The following GOLIM4 variants were observed in gnomAD, a reference collection of about 807,000 sequenced individuals.
GOLIM4 encodes 130 kDa golgi-localized phosphoprotein.
GOLIM4 carries 71 observed loss-of-function variants against 107.4 expected under a neutral mutation model. That is an observed-to-expected ratio of 0.66 (90% CI 0.55 to 0.81). The LOEUF is 0.81. GOLIM4 is among the 30% of genes least tolerant of loss of function. The pLI is 0.00. For missense variants in GOLIM4, 830 were observed against 826.1 expected (o/e 1.00, Z -0.06); for synonymous variants, 327 against 294.8 (o/e 1.11, Z -1.12).
rs796343563 is a variant in GOLIM4, at chr3:168,010,139, A to G, written c.*130T>C. On this transcript the variant is annotated 3_prime_UTR_variant, in exon 16 of 16. Transcript: ENST00000470487. ...ATATAAATGTATGCGCATTTCTAAT[A>G]CAAAAGTTTTAAAAAAGTCTAAGTT... The G allele has an allele frequency of 6.8e-6, 5 of 739,132 alleles. No homozygotes were observed. The African/African-American group carries it at 9.0e-5, about 13-fold the overall frequency. 45.8% of individuals were successfully genotyped at this position (739,132 alleles called of 1,614,324 possible). A position where few individuals can be genotyped will look rare whatever the true frequency, so the allele number is the denominator to read the frequency against.
chr3:168,010,968 A>C (rs181066630), intron 14 of GOLIM4, 145 bp from the exon 15 acceptor site: 3 of 659,214 alleles, frequency 4.6e-6, no homozygotes, highest in Admixed American at 2.6e-5. Flanking sequence ...AAGCAAAATT[A>C]AAGTAAATAT....
intron 1 of GOLIM4, among the ~76,000 whole-genome samples, chr3:168,081,665 A>C (rs1408440506): frequency 6.6e-6 from 1 of 152,116 alleles, no homozygotes; most frequent in Non-Finnish European, 1.5e-5. Context: ...TGCTTCCTTA[A>C]ATTTAAAATG....
At chr3:168,042,074 A>G (rs1379099371) in intron 5 of GOLIM4, among the ~76,000 whole-genome samples, 2 of 152,282 alleles carry the variant, frequency 1.3e-5, no homozygotes, top group East Asian at 3.9e-4. Context: ...CCAGCTTCCC[A>G]TCATGATGAC....
At chr3:168,093,789 G>A (rs1455530018) in intron 1 of GOLIM4, among the ~76,000 whole-genome samples, 1 of 152,202 alleles carries the variant, frequency 6.6e-6, no homozygotes, top group Non-Finnish European at 1.5e-5. Context: ...GCGTCAGTAA[G>A]CTAAAAATAC....
intron 1 of GOLIM4, among the ~76,000 whole-genome samples, chr3:168,056,564 C>T (rs1719984891): frequency 1.3e-5 from 2 of 152,216 alleles, no homozygotes; most frequent in African/African-American, 4.8e-5. Context: ...GAGGCTGTAC[C>T]CTGCAAAGCC....
chr3:168,052,693 G>C (rs1719723875), intron 1 of GOLIM4, among the ~76,000 whole-genome samples: 1 of 152,000 alleles, frequency 6.6e-6, no homozygotes, highest in Non-Finnish European at 1.5e-5. Context: ...CCAGGCTTTT[G>C]AGCTGTGATT....
intron 1 of GOLIM4, among the ~76,000 whole-genome samples, chr3:168,091,410 C>A (rs910547354): frequency 4.6e-5 from 7 of 152,204 alleles, no homozygotes; most frequent in Non-Finnish European, 7.3e-5. Flanking sequence ...AGCAGTCACA[C>A]CCTCTCCTAA....
chr3:168,048,416 T>C (rs538969763), intron 1 of GOLIM4, 51 bp from the exon 2 acceptor site: 13 of 801,350 alleles, frequency 1.6e-5, no homozygotes, highest in Admixed American at 7.7e-5. Flanking sequence ...AATTTAAAAC[T>C]AAAATTAACA....
At chr3:168,075,704 T>C (rs918771497) in intron 1 of GOLIM4, among the ~76,000 whole-genome samples, 1 of 152,172 alleles carries the variant, frequency 6.6e-6, no homozygotes, top group African/African-American at 2.4e-5. Context: ...ACACACCTGC[T>C]TTTCTCATTG....
chr3:168,087,425 G>A (rs1427964380), intron 1 of GOLIM4, among the ~76,000 whole-genome samples: 3 of 152,060 alleles, frequency 2.0e-5, no homozygotes, highest in Admixed American at 1.3e-4. Flanking sequence ...TACTTGTCAG[G>A]AAAGCATTGA....
At position 168,092,352 on chromosome 3, in the gene GOLIM4, C is replaced by T. The variant is rs890610809; in HGVS notation, c.187+2747G>A. 2.0e-5 allele frequency among the ~76,000 whole-genome samples: 3 copies of T among 152,076 alleles called. No homozygotes were observed. In the East Asian group the frequency reaches 5.8e-4, roughly 29 times the overall value. On this transcript the variant is annotated intron_variant, in intron 1 of 15. Coordinates refer to ENST00000470487, the MANE Select transcript of GOLIM4 (RefSeq NM_014498.5). ...ATATTTTTATAGTGGAAGGGGTTTG[C>T]CTAGTCTCTGACCTTTCTGCATGCC...
intron 1 of GOLIM4, among the ~76,000 whole-genome samples, chr3:168,088,916 T>G (rs901460828): frequency 1.3e-5 from 2 of 152,136 alleles, no homozygotes; most frequent in Non-Finnish European, 2.9e-5. Context: ...GAACTTAAAC[T>G]AAAGGCTCCC....
intron 1 of GOLIM4, among the ~76,000 whole-genome samples, chr3:168,083,878 G>T (rs527990888): frequency 1.1e-4 from 17 of 152,324 alleles, no homozygotes; most frequent in African/African-American, 4.1e-4. Context: ...AGCATGTGCT[G>T]AATGTAGAGA....
At chr3:168,077,946 C>A (rs990763473) in intron 1 of GOLIM4, among the ~76,000 whole-genome samples, 5 of 152,010 alleles carry the variant, frequency 3.3e-5, no homozygotes, top group African/African-American at 1.2e-4. Context: ...ACACACCTCC[C>A]TAAAATGTAT....
At chr3:168,047,805 A>G (rs1048675101) in intron 2 of GOLIM4, among the ~76,000 whole-genome samples, 16 of 152,206 alleles carry the variant, frequency 1.1e-4, no homozygotes, top group African/African-American at 3.9e-4. Context: ...ATGTGTCAAT[A>G]AAAACTTTCA....
At chr3:168,012,684 G>A (rs1191552359) in intron 14 of GOLIM4, among the ~76,000 whole-genome samples, 3,384 of 151,164 alleles carry the variant, frequency 0.022, 108 homozygotes, top group African/African-American at 0.077. Flanking sequence ...GACTAACAGC[G>A]GATCTCTCGG....
At chr3:168,017,735 A>G (rs1717452808) in intron 14 of GOLIM4, among the ~76,000 whole-genome samples, 1 of 152,224 alleles carries the variant, frequency 6.6e-6, no homozygotes, top group Non-Finnish European at 1.5e-5. Flanking sequence ...TATACTTAAG[A>G]ATATATTTCT....
intron 7 of GOLIM4, among the ~76,000 whole-genome samples, chr3:168,040,205 T>C (rs1718903816): frequency 6.6e-6 from 1 of 152,216 alleles, no homozygotes; most frequent in Non-Finnish European, 1.5e-5. Context: ...GTTCCCCTGT[T>C]CATTCAGTAA....
intron 1 of GOLIM4, among the ~76,000 whole-genome samples, chr3:168,070,525 A>G (rs1329282706): frequency 6.6e-6 from 1 of 152,250 alleles, no homozygotes; most frequent in East Asian, 1.9e-4. Flanking sequence ...TGGCATCATT[A>G]AAGTCTCTAA....
Sources: allele counts gnomAD v4.1 joint callset (sites outside exome capture counted in the v4.1 genomes callset), GRCh38; gene constraint gnomAD v4.1.1; transcripts MANE v1.5; gene names NCBI Gene and HGNC (gene_info 2026-07-23, HGNC 2026-07-21).